ADCY1: variants seen among roughly 807,000 people sequenced by gnomAD.
ADCY1 encodes adenylate cyclase type 1.
In ADCY1, 28 loss-of-function variants were observed where a neutral mutation model predicts 105.4. That is an observed-to-expected ratio of 0.27 (90% CI 0.20 to 0.36). The LOEUF is 0.36. ADCY1 is among the 10% of genes least tolerant of loss of function. The probability of loss-of-function intolerance (pLI) is 1.00; values close to 1 mark genes in which losing one functional copy is unlikely to be tolerated. For synonymous variants in ADCY1, 655 were observed against 623.8 expected (o/e 1.05, Z -0.75); for missense variants, 977 against 1,434.2 (o/e 0.68, Z 5.15).
At chr7:45,685,417 A>G (rs886192345) in intron 12 of ADCY1, among the ~76,000 whole-genome samples, 4 of 147,898 alleles carry the variant, frequency 2.7e-5, no homozygotes, top group African/African-American at 1.0e-4. Context: ...GAGTGAAAGG[A>G]TGGAAGTGGG....
chr7:45,699,777 C>T (rs1784961190), intron 14 of ADCY1, among the ~76,000 whole-genome samples: 1 of 152,180 alleles, frequency 6.6e-6, no homozygotes, highest in African/African-American at 2.4e-5. Context: ...CGCAGGCCTT[C>T]TGAGGGTGCC....
chr7:45,660,240 G>A (rs763149311), intron 7 of ADCY1, 57 bp downstream of exon 7: 73 of 1,601,146 alleles, frequency 4.6e-5, no homozygotes, highest in Non-Finnish European at 6.2e-5. Context: ...CCTGTGCAGA[G>A]CTTTACAGAT....
At chr7:45,659,814 A>G (rs1484864126) in intron 6 of ADCY1, among the ~76,000 whole-genome samples, 1 of 151,914 alleles carries the variant, frequency 6.6e-6, no homozygotes, top group East Asian at 1.9e-4. Context: ...CCCCCACCTC[A>G]GCCATCCCTG....
rs927707578 is a variant in ADCY1 at position 45,662,278 on chromosome 7, C to T, written c.1605+64C>T. The T allele has an allele frequency of 7.9e-6, 12 of 1,525,068 alleles. No homozygotes were observed. In the African/African-American group the frequency reaches 1.2e-4, roughly 16 times the overall value. The allele number at this position is 1,525,068 out of a possible 1,614,324, so 94.5% of individuals were successfully genotyped here. A position where few individuals can be genotyped will look rare whatever the true frequency, so the allele number is the denominator to read the frequency against. On this transcript the variant is annotated intron_variant, in intron 8 of 19. Transcript: ENST00000297323. The stretch of plus-strand genomic sequence containing the variant: ...AGGGACTGATCTCTGTCCTGCCCTC[C>T]CAATATGGCCCCCGTGCCATTTGGC...
chr7:45,609,878 T>C (rs1793484821), intron 2 of ADCY1, among the ~76,000 whole-genome samples: 1 of 152,352 alleles, frequency 6.6e-6, no homozygotes, highest in Admixed American at 6.5e-5. Flanking sequence ...ATGCTTGACC[T>C]ACACAGCTAA....
chr7:45,606,142 G>T (rs1022635680), intron 2 of ADCY1, among the ~76,000 whole-genome samples: 1 of 152,100 alleles, frequency 6.6e-6, no homozygotes, highest in Non-Finnish European at 1.5e-5. Flanking sequence ...ACCTGGCTTG[G>T]GGGAGGAGAA....
At position 45,622,707 on chromosome 7, in the gene ADCY1, C is replaced by G; in HGVS notation, c.984C>G (p.Leu328=). The G allele has an allele frequency of 9.3e-6, 15 of 1,614,076 alleles. No homozygotes were observed. Among genetic ancestry groups the G allele is most frequent in the Non-Finnish European group, 1.3e-5 (15 of 1,180,008 alleles). ...QCTAQELVKL[L]NELFGKFDEL... is the part of the protein sequence containing the mutation. ...CAGCCCAGGAGCTGGTGAAACTCCTCAATGAGCTCTTCGGCAAGTTCGATG... is the reference window on the plus strand; with the variant it reads ...CAGCCCAGGAGCTGGTGAAACTCCTGAATGAGCTCTTCGGCAAGTTCGATG... Residue 328 remains leucine, a synonymous_variant, in exon 4 of 20, where the codon CTC becomes CTG. Transcript: ENST00000297323.
Position 45,722,147 on chromosome 7 carries a change from A to G in ADCY1, c.*8152A>G, listed in dbSNP as rs902671244. On this transcript the variant is annotated 3_prime_UTR_variant, in exon 20 of 20. Transcript: ENST00000297323. ...ACAAGTCTCAGGGGACCATTCCCAC[A>G]TTGGGGGATCCTGAGGGAGCCCATC... 14 of 282,450 alleles carry G rather than the reference A, an allele frequency of 5.0e-5. No individual in the cohort carries two copies. Among genetic ancestry groups the G allele is most frequent in the Non-Finnish European group, 7.9e-5 (12 of 152,260 alleles). 17.5% of individuals were successfully genotyped at this position (282,450 alleles called of 1,614,324 possible). A position where few individuals can be genotyped will look rare whatever the true frequency, so the allele number is the denominator to read the frequency against.
At chr7:45,650,753 C>A (rs12702161) in intron 5 of ADCY1, among the ~76,000 whole-genome samples, 1 of 152,022 alleles carries the variant, frequency 6.6e-6, no homozygotes, top group Admixed American at 6.6e-5. Flanking sequence ...AGGGTGCTGT[C>A]CTTCCTTCTA....
chr7:45,644,686 T>G (rs1794613784), intron 4 of ADCY1, among the ~76,000 whole-genome samples: 1 of 152,140 alleles, frequency 6.6e-6, no homozygotes, highest in Admixed American at 6.5e-5. Flanking sequence ...CTTTCTTCTT[T>G]TGGAGGAGAC....
At chr7:45,678,844 C>T (rs1455480109) in intron 10 of ADCY1, among the ~76,000 whole-genome samples, 1 of 152,014 alleles carries the variant, frequency 6.6e-6, no homozygotes, top group African/African-American at 2.4e-5. Context: ...TATGATCTCA[C>T]CACTACACTC....
chr7:45,679,735 T>G lies in ADCY1; in HGVS notation c.1925T>G (p.Val642Gly), dbSNP rs144510682. The change falls in exon 11 of 20, where the codon GTA (valine) becomes GGA (glycine). Residue 642 changes from valine (V) to glycine (G), a missense_variant. Val to Gly is a moderately radical substitution (Grantham distance 109). This residue lies in a region of ADCY1 where 275 missense variants were observed against 362.1 expected (regional missense o/e 0.76). Transcript: ENST00000297323. The stretch of plus-strand genomic sequence containing the variant: ...AGTGTGGTCGTCCTGCTCCTGCTAG[T>G]ATTCTGCATCTGCTTCCTGGTGGCC... The part of the protein sequence containing the change: ...PQSVVVLLLL[V>G]FCICFLVACV... 5 of 1,614,102 alleles carry G rather than the reference T, an allele frequency of 3.1e-6. No homozygotes were observed. The African/African-American group carries it at 6.7e-5, about 22-fold the overall frequency.
At chr7:45,637,979 A>G (rs1794438623) in intron 4 of ADCY1, among the ~76,000 whole-genome samples, 1 of 152,146 alleles carries the variant, frequency 6.6e-6, no homozygotes, top group South Asian at 2.1e-4. Context: ...TCTTTGTTTG[A>G]AATAGGTCTT....
intron 4 of ADCY1, among the ~76,000 whole-genome samples, chr7:45,637,166 T>A (rs1794414032): frequency 1.3e-5 from 2 of 152,238 alleles, no homozygotes; most frequent in Admixed American, 6.5e-5. Flanking sequence ...CAGTCTACCA[T>A]CACATGATTT....
intron 19 of ADCY1, among the ~76,000 whole-genome samples, chr7:45,712,232 A>AAT (rs1554333393): frequency 3.5e-5 from 5 of 141,874 alleles, no homozygotes; most frequent in Non-Finnish European, 6.0e-5. Flanking sequence ...TAAATATATA[A>AAT]ATATATATAT....
chr7:45,586,455 A>C (rs1562674437), intron 1 of ADCY1, among the ~76,000 whole-genome samples: 1 of 152,232 alleles, frequency 6.6e-6, no homozygotes, highest in African/African-American at 2.4e-5. Flanking sequence ...AATATACACA[A>C]AAGTAGAGAG....
At chr7:45,612,715 G>A (rs1793623819) in intron 3 of ADCY1, among the ~76,000 whole-genome samples, 1 of 152,160 alleles carries the variant, frequency 6.6e-6, no homozygotes, top group Admixed American at 6.5e-5. Context: ...AAGAGTCAGT[G>A]TGACCACTGC....
intron 4 of ADCY1, among the ~76,000 whole-genome samples, chr7:45,625,419 A>G (rs796114067): frequency 6.6e-5 from 10 of 152,220 alleles, no homozygotes; most frequent in African/African-American, 2.2e-4. Context: ...GGAGTGAGAG[A>G]TGTATTGAGA....
chr7:45,612,593 G>A (rs1272717424), intron 3 of ADCY1, among the ~76,000 whole-genome samples: 1 of 152,186 alleles, frequency 6.6e-6, no homozygotes, highest in Non-Finnish European at 1.5e-5. Flanking sequence ...GGCATCAAAA[G>A]TCAAGAGCCT....
Sources: gnomAD v4.1 joint callset for allele counts (sites outside exome capture counted in the v4.1 genomes callset) on GRCh38, gnomAD v4.1.1 for gene constraint, gnomAD v4.1.1 regional missense constraint, MANE v1.5 for transcripts, NCBI Gene and HGNC (gene_info 2026-07-23, HGNC 2026-07-21) for gene names.